FANK1: variants seen among roughly 807,000 people sequenced by gnomAD.
FANK1 encodes fibronectin type III and ankyrin repeat domains 1.
A neutral mutation model predicts 45.3 loss-of-function variants in FANK1; 44 were observed. That is an observed-to-expected ratio of 0.97 (90% CI 0.76 to 1.25). FANK1 has a LOEUF of 1.25. FANK1 is among the 50% of genes most tolerant of loss of function. FANK1 has a pLI of 0.00. For synonymous variants in FANK1, 149 were observed against 152.5 expected, an observed-to-expected ratio of 0.98 and a Z score of 0.17; for missense variants, 391 against 424.4, an observed-to-expected ratio of 0.92 and a Z score of 0.69.
At chr10:125,973,413 G>A (rs1420519831) in intron 1 of FANK1, 4 of 985,232 alleles carry the variant, frequency 4.1e-6, no homozygotes, top group Non-Finnish European at 4.8e-6. Flanking sequence ...CTGATGTCGT[G>A]ATACAAGGAC....
intron 1 of FANK1, among the ~76,000 whole-genome samples, chr10:125,918,585 A>AATATATATATATATATATAT (rs1197525883): frequency 2.1e-4 from 15 of 70,972 alleles, no homozygotes; most frequent in African/African-American, 8.7e-4. Flanking sequence ...AAAAAAAAAA[A>AATATATATATATATATATAT]ATATATATAT....
Position 126,009,480 on chromosome 10 carries a change from G to A in FANK1, c.*42G>A, listed in dbSNP as rs976479146. The A allele has an allele frequency of 1.9e-6, 3 of 1,599,664 alleles. No homozygotes were observed. The highest frequency in any genetic ancestry group is 2.6e-6 in the Non-Finnish European group (3 of 1,170,840). ...CTGCGAAACGCACGTAAAACAAAGT[G>A]AACCGTGACTGTTAAACTAGGGATG... is the stretch of plus-strand genomic sequence containing the variant. On this transcript the variant is annotated 3_prime_UTR_variant, in exon 11 of 11. Coordinates refer to ENST00000368693, the MANE Select transcript of FANK1 (RefSeq NM_145235.5).
intron 7 of FANK1, among the ~76,000 whole-genome samples, chr10:126,006,377 T>A (rs961527857): frequency 2.0e-5 from 3 of 152,170 alleles, no homozygotes; most frequent in African/African-American, 7.2e-5. Context: ...TTATTTTCCT[T>A]ATGTTTTAGA....
At chr10:125,919,932 C>T (rs529412783) in intron 1 of FANK1, among the ~76,000 whole-genome samples, 1 of 149,748 alleles carries the variant, frequency 6.7e-6, no homozygotes, top group East Asian at 2.1e-4. Flanking sequence ...ATTCTGGAGT[C>T]TTTAAACAAA....
intron 1 of FANK1, among the ~76,000 whole-genome samples, chr10:125,931,922 T>C (rs1197968150): frequency 6.6e-6 from 1 of 152,218 alleles, no homozygotes; most frequent in Admixed American, 6.5e-5. Context: ...TTCTCCCACA[T>C]GTGCATAACC....
Position 126,009,402 on chromosome 10 carries a change from A to G in FANK1, c.1002A>G (p.Lys334=), listed in dbSNP as rs1953498514. Residue 334 remains lysine, a synonymous_variant, in exon 11 of 11, where the codon AAA becomes AAG. Transcript: ENST00000368693. ...QSVVSLLEER[K]KKQRPKKSCV... is the part of the protein sequence containing the mutation. ...TAGTCTCCTTATTAGAAGAAAGGAA[A>G]AAAAAGCAGAGGCCAAAGAAGTCTT... 2 of 1,614,048 alleles carry G rather than the reference A, an allele frequency of 1.2e-6. No homozygotes were observed. The highest frequency in any genetic ancestry group is 1.7e-6 in the Non-Finnish European group (2 of 1,179,996).
rs34889746 is a variant in FANK1, at chr10:125,928,261, C to CTTTTTTTTTTTTTTTT, written c.13+31609_13+31624dup. Among the ~76,000 whole-genome samples, 2 of 137,722 alleles carry CTTTTTTTTTTTTTTTT rather than the reference C, an allele frequency of 1.5e-5. 1 individual carries two copies. The allele number at this position is 137,722 out of a possible 152,430, so 90.4% of individuals were successfully genotyped here. A position where few individuals can be genotyped will look rare whatever the true frequency, so the allele number is the denominator to read the frequency against. ...TAAACAAGGGGTGGATTATTCGTGC[C>CTTTTTTTTTTTTTTTT]TTTTTTTTTTTTTTTTTTAAAGACC... On this transcript the variant is annotated intron_variant, in intron 1 of 10. Coordinates refer to ENST00000368693, the MANE Select transcript of FANK1 (RefSeq NM_145235.5).
chr10:125,916,252 G>A (rs201017318), intron 1 of FANK1, among the ~76,000 whole-genome samples: 1 of 152,180 alleles, frequency 6.6e-6, no homozygotes, highest in East Asian at 1.9e-4. Context: ...GGCCAGGATG[G>A]TCTCGATCTC....
At chr10:125,907,437 A>G (rs535785439) in intron 1 of FANK1, 1 of 966,048 alleles carries the variant, frequency 1.0e-6, no homozygotes, top group East Asian at 1.1e-4. Flanking sequence ...TGTACTCTGT[A>G]TGATCTCTTC....
rs537750803 is a variant in FANK1, at chr10:125,920,192, G to A, written c.13+23537G>A. Among the ~76,000 whole-genome samples, 13 of 152,306 alleles carry A rather than the reference G, an allele frequency of 8.5e-5. 1 individual carries two copies. In the South Asian group the frequency reaches 2.5e-3, roughly 29 times the overall value. On this transcript the variant is annotated intron_variant, in intron 1 of 10. Transcript: ENST00000368693. Reference sequence around the variant, plus strand: ...TGTAATTTCAGGCTATAGTGAAGAAGGATGACATAGGCCGAAAAAATTGGC... The same window carrying A: ...TGTAATTTCAGGCTATAGTGAAGAAAGATGACATAGGCCGAAAAAATTGGC...
At chr10:125,927,550 T>A (rs1947440505) in intron 1 of FANK1, among the ~76,000 whole-genome samples, 1 of 151,920 alleles carries the variant, frequency 6.6e-6, no homozygotes, top group African/African-American at 2.4e-5. Flanking sequence ...AATGCCATTA[T>A]AAACTTTTTT....
chr10:125,906,230 G>C (rs1945500746), intron 1 of FANK1, among the ~76,000 whole-genome samples: 1 of 151,940 alleles, frequency 6.6e-6, no homozygotes, highest in Non-Finnish European at 1.5e-5. Context: ...AAAAAAGAAG[G>C]AGCAGCTAGG....
At chr10:125,914,280 C>CAT (rs572373307) in intron 1 of FANK1, among the ~76,000 whole-genome samples, 21 of 140,340 alleles carry the variant, frequency 1.5e-4, no homozygotes, top group South Asian at 1.1e-3. Context: ...CTTTGTATGC[C>CAT]ATATATATAT....
chr10:126,005,948 A>G (rs1369525021), intron 7 of FANK1, among the ~76,000 whole-genome samples: 3 of 152,238 alleles, frequency 2.0e-5, no homozygotes, highest in Admixed American at 2.0e-4. Flanking sequence ...TAGCAAATAG[A>G]AGCAGTGTTG....
intron 7 of FANK1, among the ~76,000 whole-genome samples, chr10:126,006,170 A>T (rs997121450): frequency 6.6e-6 from 1 of 152,218 alleles, no homozygotes; most frequent in African/African-American, 2.4e-5. Flanking sequence ...TGACCTGGAA[A>T]ATCAACTCAA....
intron 1 of FANK1, among the ~76,000 whole-genome samples, chr10:125,929,752 AAATG>A (rs1227606841): frequency 5.3e-5 from 8 of 152,214 alleles, no homozygotes; most frequent in Non-Finnish European, 4.4e-5. Context: ...GATTTATAGA[AAATG>A]AAACTACACG....
intron 1 of FANK1, among the ~76,000 whole-genome samples, chr10:125,957,446 T>G (rs2134174276): frequency 6.6e-6 from 1 of 152,238 alleles, no homozygotes; most frequent in African/African-American, 2.4e-5. Flanking sequence ...CCTGAGGAAC[T>G]TCCTTTAACA....
At chr10:125,903,858 TG>T (rs1159226029) in intron 1 of FANK1, among the ~76,000 whole-genome samples, 13 of 152,196 alleles carry the variant, frequency 8.5e-5, no homozygotes, top group African/African-American at 2.9e-4. Flanking sequence ...TGTTTTGTTT[TG>T]TTTTTTTGAG....
chr10:125,947,137 C>T (rs1176557336), intron 1 of FANK1, among the ~76,000 whole-genome samples: 35 of 150,162 alleles, frequency 2.3e-4, no homozygotes, highest in Middle Eastern at 3.4e-3. Flanking sequence ...AAGGAACAAC[C>T]GGTACCAGCT....
Sources: gnomAD v4.1 joint callset for allele counts (sites outside exome capture counted in the v4.1 genomes callset) on GRCh38, gnomAD v4.1.1 for gene constraint, MANE v1.5 for transcripts, NCBI Gene and HGNC (gene_info 2026-07-23, HGNC 2026-07-21) for gene names.